INVS: variants seen among roughly 807,000 people sequenced by gnomAD.
INVS encodes inversin, also known as inversion of embryo turning homolog.
INVS carries 86 observed loss-of-function variants against 108.8 expected under a neutral mutation model. The ratio of observed to expected loss-of-function variants is 0.79; its 90% confidence interval spans 0.66 to 0.95. INVS has a LOEUF of 0.95. Ranked by LOEUF, INVS falls within the 40% of genes least tolerant of loss-of-function variation. The pLI is 0.00. For synonymous variants in INVS, 455 were observed against 473.5 expected, an observed-to-expected ratio of 0.96 and a Z score of 0.51; for missense variants, 1,169 against 1,297.4, an observed-to-expected ratio of 0.90 and a Z score of 1.52.
chr9:100,175,191 C>T (rs1829670333), intron 3 of INVS: 1 of 515,062 alleles, frequency 1.9e-6, no homozygotes, highest in East Asian at 3.8e-5. Context: ...AGTGTGCATC[C>T]AGCTTGTCCC....
At chr9:100,224,860 C>G (rs1244259801) in intron 3 of INVS, among the ~76,000 whole-genome samples, 4 of 151,772 alleles carry the variant, frequency 2.6e-5, no homozygotes, top group African/African-American at 9.7e-5. Flanking sequence ...GTGATCCCCC[C>G]ACCTCAGCCT....
At chr9:100,107,142 T>A (rs1827206306) in intron 2 of INVS, among the ~76,000 whole-genome samples, 1 of 152,156 alleles carries the variant, frequency 6.6e-6, no homozygotes, top group African/African-American at 2.4e-5. Flanking sequence ...ATTTAACAAA[T>A]AAACATAAAG....
chr9:100,301,053 A>G lies in INVS; in HGVS notation c.*379A>G, dbSNP rs888386325. On this transcript the variant is annotated 3_prime_UTR_variant, in exon 17 of 17. Transcript: ENST00000262457. The stretch of plus-strand genomic sequence containing the variant: ...CTAGCTGGTACTGGCTTCTTGTTTC[A>G]AGAGATGAACCTAAATGAGATAGGA... The G allele has an allele frequency of 5.7e-5, 17 of 297,638 alleles. No homozygotes were observed. Among genetic ancestry groups the G allele is most frequent in the African/African-American group, 3.3e-4 (15 of 45,694 alleles). The allele number at this position is 297,638 out of a possible 1,614,324, so 18.4% of individuals were successfully genotyped here.
At chr9:100,176,435 A>G (rs1829712904) in intron 3 of INVS, among the ~76,000 whole-genome samples, 1 of 152,158 alleles carries the variant, frequency 6.6e-6, no homozygotes, top group South Asian at 2.1e-4. Context: ...TGGTGAAGGT[A>G]TAGTCCCATT....
In INVS at chr9:100,301,139, T is replaced by TCACACACACACACACACACACA. The variant is rs10527613; in HGVS notation, c.*484_*505dup. On this transcript the variant is annotated 3_prime_UTR_variant, in exon 17 of 17. Coordinates refer to ENST00000262457, the MANE Select transcript of INVS (RefSeq NM_014425.5). ...CCTGGCATCTAATGCAACAAACTTA[T>TCACACACACACACACACACACA]CACACACACACACACACACACACAC... The TCACACACACACACACACACACA allele has an allele frequency of 1.2e-5, 2 of 167,484 alleles. No individual in the cohort carries two copies. Among genetic ancestry groups the TCACACACACACACACACACACA allele is most frequent in the African/African-American group, 7.2e-5 (2 of 27,638 alleles). The allele number at this position is 167,484 out of a possible 1,614,324, so 10.4% of individuals were successfully genotyped here.
intron 3 of INVS, among the ~76,000 whole-genome samples, chr9:100,156,257 C>CTTTTTT (rs931919205): frequency 1.6e-5 from 2 of 124,716 alleles, no homozygotes; most frequent in African/African-American, 3.2e-5. Flanking sequence ...GTTAGGAATA[C>CTTTTTT]TTTTTTTTTT....
chr9:100,217,972 G>A (rs951991179), intron 3 of INVS, among the ~76,000 whole-genome samples: 1 of 151,994 alleles, frequency 6.6e-6, no homozygotes, highest in Non-Finnish European at 1.5e-5. Context: ...TACAGTAAAT[G>A]CCTTGAGAGT....
At chr9:100,213,764 A>G (rs1295846286) in intron 3 of INVS, among the ~76,000 whole-genome samples, 3 of 152,124 alleles carry the variant, frequency 2.0e-5, no homozygotes, top group African/African-American at 7.2e-5. Flanking sequence ...TTTCATCACA[A>G]CTGAGGAACA....
chr9:100,226,532 GCCGGGC>G, intron 4 of INVS, among the ~76,000 whole-genome samples: 5 of 152,102 alleles, frequency 3.3e-5, no homozygotes, highest in African/African-American at 1.2e-4. Flanking sequence ...AGTCCTGTCG[GCCGGGC>G]GCATTGGCTC....
At chr9:100,168,179 T>C (rs1829426096) in intron 3 of INVS, among the ~76,000 whole-genome samples, 1 of 152,110 alleles carries the variant, frequency 6.6e-6, no homozygotes, top group South Asian at 2.1e-4. Context: ...TATTGACAAA[T>C]GGCAGTCAGT....
At chr9:100,269,745 T>C (rs551810717) in intron 11 of INVS, among the ~76,000 whole-genome samples, 2 of 152,330 alleles carry the variant, frequency 1.3e-5, no homozygotes, top group African/African-American at 4.8e-5. Context: ...CTTTTATGGG[T>C]TTGGCTGGTC....
At chr9:100,269,300 A>C (rs930071232) in intron 11 of INVS, among the ~76,000 whole-genome samples, 3 of 152,184 alleles carry the variant, frequency 2.0e-5, no homozygotes, top group Non-Finnish European at 4.4e-5. Flanking sequence ...TGCATGGTTT[A>C]ATGACTCTAT....
rs1486415261 is a variant in INVS, at chr9:100,301,390, C to T, written c.*716C>T. 6.6e-6 allele frequency among the ~76,000 whole-genome samples: 1 copy of T among 152,162 alleles called. No homozygotes were observed. The highest frequency in any genetic ancestry group is 1.5e-5 in the Non-Finnish European group (1 of 68,044). On this transcript the variant is annotated 3_prime_UTR_variant, in exon 17 of 17. Coordinates refer to ENST00000262457, the MANE Select transcript of INVS (RefSeq NM_014425.5). ...TTTCTCAGTGCTGAATACCAACAGC[C>T]GTATTACAGTATCAAGGATTCTGTC...
chr9:100,243,441 C>G (rs934288989), intron 7 of INVS, among the ~76,000 whole-genome samples: 5 of 152,170 alleles, frequency 3.3e-5, no homozygotes, highest in African/African-American at 1.2e-4. Flanking sequence ...CTCATTACTA[C>G]TAGTGTTGAT....
intron 13 of INVS, among the ~76,000 whole-genome samples, chr9:100,285,495 G>C (rs1232767685): frequency 3.3e-5 from 5 of 152,184 alleles, no homozygotes; most frequent in Admixed American, 3.3e-4. Context: ...ACCAGGTTTG[G>C]TGAGGTTGGA....
intron 10 of INVS, among the ~76,000 whole-genome samples, chr9:100,259,339 A>T (rs1286155020): frequency 6.6e-6 from 1 of 152,044 alleles, no homozygotes; most frequent in Admixed American, 6.6e-5. Flanking sequence ...CCTTGGCTAG[A>T]AAAAGGGAAT....
chr9:100,229,637 T>C (rs1831444010), intron 4 of INVS, 23 bp from the exon 5 acceptor site: 1 of 1,612,446 alleles, frequency 6.2e-7, no homozygotes, highest in South Asian at 1.1e-5. Flanking sequence ...TGTTGTTATT[T>C]CGAGAACCTC....
rs763091119 is a variant in INVS, at chr9:100,253,112, A to G, written c.1440A>G (p.Ala480=). The change falls in exon 10 of 17, where the codon GCA becomes GCG. Residue 480 remains alanine (A), a synonymous_variant. Transcript: ENST00000262457. ...NCMAVLMENN[A]DPNIQDKEGR... ...TGGCAGTTCTCATGGAAAACAATGC[A>G]GACCCTAACATTCAAGACAAAGAGG... is the stretch of plus-strand genomic sequence containing the variant. 1 of 1,613,422 alleles carries G rather than the reference A, an allele frequency of 6.2e-7. No individual in the cohort carries two copies. Among genetic ancestry groups the G allele is most frequent in the Non-Finnish European group, 8.5e-7 (1 of 1,179,466 alleles).
At chr9:100,261,542 C>G (rs1201763371) in intron 10 of INVS, among the ~76,000 whole-genome samples, 1 of 152,098 alleles carries the variant, frequency 6.6e-6, no homozygotes, top group African/African-American at 2.4e-5. Flanking sequence ...GCTGGGATTA[C>G]AGGCATGAGC....
Sources: gnomAD v4.1 joint callset for allele counts (sites outside exome capture counted in the v4.1 genomes callset) on GRCh38, gnomAD v4.1.1 for gene constraint, MANE v1.5 for transcripts, NCBI Gene and HGNC (gene_info 2026-07-23, HGNC 2026-07-21) for gene names.